The following ZNF138 variants were observed in gnomAD, a reference collection of about 807,000 sequenced individuals.
ZNF138 encodes zinc finger protein 138.
ZNF138 carries 33 observed loss-of-function variants against 33.0 expected under a neutral mutation model. That is an observed-to-expected ratio of 1.00 (90% CI 0.76 to 1.34). The LOEUF (loss-of-function observed/expected upper bound fraction) is 1.34. Ranked by LOEUF, ZNF138 falls within the 40% of genes most tolerant of loss-of-function variation. ZNF138 has a pLI of 0.00. For synonymous variants in ZNF138, 139 were observed against 120.4 expected, an observed-to-expected ratio of 1.15 and a Z score of -1.01; for missense variants, 360 against 370.8, an observed-to-expected ratio of 0.97 and a Z score of 0.24.
chr7:64,855,574 C>T, the ZNF138 span, among the ~76,000 whole-genome samples: 4 of 8,564 alleles, frequency 4.7e-4, 1 homozygote, highest in African/African-American at 4.9e-4. Flanking sequence ...CATGCGGAGC[C>T]GAAGCTGGAC....
chr7:64,829,394 A>AAC (rs1301464028), intron 3 of ZNF138, among the ~76,000 whole-genome samples: 1 of 150,680 alleles, frequency 6.6e-6, no homozygotes, highest in East Asian at 2.0e-4. Flanking sequence ...CACAAACTCA[A>AAC]ACACACACAC....
chr7:64,832,523 CT>C lies in ZNF138; in HGVS notation c.*324del. The stretch of plus-strand genomic sequence containing the variant: ...ACAAATGTGGAGAATGCGGAAAAGC[CT>C]TTAACTGGTCCTCAACTCTTATTAC... On this transcript the variant is annotated 3_prime_UTR_variant, in exon 4 of 4. Transcript: ENST00000307355. 1 of 782,202 alleles carries C rather than the reference CT, an allele frequency of 1.3e-6. No homozygotes were observed. The highest frequency in any genetic ancestry group is 1.9e-6 in the Non-Finnish European group (1 of 525,498). 48.5% of individuals were successfully genotyped at this position (782,202 alleles called of 1,614,324 possible).
At chr7:64,837,663 C>T (rs1359587694), downstream of ZNF138, among the ~76,000 whole-genome samples, 1 of 152,104 alleles carries the variant, frequency 6.6e-6, no homozygotes, top group Non-Finnish European at 1.5e-5. Context: ...TTCCACTTTT[C>T]CAGAAGACTG....
intron 3 of ZNF138, among the ~76,000 whole-genome samples, chr7:64,826,996 T>C (rs1361148929): frequency 6.6e-6 from 1 of 152,160 alleles, no homozygotes; most frequent in Non-Finnish European, 1.5e-5. Flanking sequence ...TTATGCACCA[T>C]CATTATTATA....
At chr7:64,838,964 G>T in the ZNF138 span, among the ~76,000 whole-genome samples, 1 of 152,100 alleles carries the variant, frequency 6.6e-6, no homozygotes, top group African/African-American at 2.4e-5. Context: ...AGACTAAGAT[G>T]GGGGCCGTGG....
intron 1 of ZNF138, chr7:64,814,272 G>T (rs552405961): frequency 1.6e-4 from 58 of 360,456 alleles, no homozygotes; most frequent in Middle Eastern, 1.1e-3. Context: ...TTAACTCAAC[G>T]TGCCTTTTCC....
At chr7:64,836,932 G>C (rs1317417349), downstream of ZNF138, 1 of 152,246 alleles carries the variant, frequency 6.6e-6, no homozygotes, top group Non-Finnish European at 1.5e-5. Context: ...GAGGGAGTCT[G>C]AGAGGGGGCT....
intron 1 of ZNF138, among the ~76,000 whole-genome samples, chr7:64,808,715 T>A (rs62456817): frequency 0.048 from 6,902 of 144,668 alleles, 235 homozygotes; most frequent in East Asian, 0.14. Context: ...AGGTCTCTGG[T>A]TTTCCTAGGC....
Position 64,799,878 on chromosome 7 carries a change from T to C in ZNF138, c.3+5307T>C, listed in dbSNP as rs564526834. Among the ~76,000 whole-genome samples the C allele has an allele frequency of 2.0e-5, 3 of 152,080 alleles. No individual in the cohort carries two copies. The East Asian group carries it at 5.8e-4, about 30-fold the overall frequency. On this transcript the variant is annotated intron_variant, in intron 1 of 3. Coordinates refer to ENST00000307355, the MANE Select transcript of ZNF138 (RefSeq NM_001271639.2). ...CTGGTCTTGAACTCCTGACCTCAGG[T>C]GTTAGGCGATCCACCCACCTCGGCC...
At chr7:64,834,413 C>T (rs188682901), downstream of ZNF138, among the ~76,000 whole-genome samples, 2 of 151,972 alleles carry the variant, frequency 1.3e-5, no homozygotes, top group Non-Finnish European at 2.9e-5. Flanking sequence ...ATAAAATAAC[C>T]CAAAACTAAA....
chr7:64,832,428 T>C lies in ZNF138; in HGVS notation c.*226T>C, dbSNP rs984658239. 2.7e-6 allele frequency: 4 copies of C among 1,479,324 alleles called. No individual in the cohort carries two copies. The African/African-American group carries it at 4.2e-5, about 16-fold the overall frequency. 91.6% of individuals were successfully genotyped at this position (1,479,324 alleles called of 1,614,324 possible). A position where few individuals can be genotyped will look rare whatever the true frequency, so the allele number is the denominator to read the frequency against. On this transcript the variant is annotated 3_prime_UTR_variant, in exon 4 of 4. Coordinates refer to ENST00000307355, the MANE Select transcript of ZNF138 (RefSeq NM_001271639.2). ...AGAAAAACCCTACAAATGTAAAGAATGTGGAAAAGCTTTTCACCGATACTC... is the reference window on the plus strand; with the variant it reads ...AGAAAAACCCTACAAATGTAAAGAACGTGGAAAAGCTTTTCACCGATACTC...
intron 3 of ZNF138, chr7:64,831,185 A>G: frequency 7.1e-7 from 1 of 1,416,398 alleles, no homozygotes; most frequent in East Asian, 2.3e-5. Context: ...TGTTGGGTAA[A>G]TGTAACAGAC....
At chr7:64,844,912 C>T in the ZNF138 span, among the ~76,000 whole-genome samples, 23 of 152,168 alleles carry the variant, frequency 1.5e-4, no homozygotes, top group Non-Finnish European at 2.9e-4. Context: ...GTCTCGAACC[C>T]CTGACCTCGT....
chr7:64,852,424 A>G, the ZNF138 span: 1 of 1,566,084 alleles, frequency 6.4e-7, no homozygotes, highest in Non-Finnish European at 8.7e-7. Context: ...TGGGATTCAC[A>G]TTTTGAGTGG....
the ZNF138 span, chr7:64,852,549 A>G: frequency 6.4e-7 from 1 of 1,570,708 alleles, no homozygotes; most frequent in Non-Finnish European, 8.8e-7. Context: ...TATTTGGGGG[A>G]CTTTATCTCT....
downstream of ZNF138, chr7:64,836,632 A>G (rs991312382): frequency 2.0e-5 from 3 of 152,304 alleles, no homozygotes; most frequent in African/African-American, 4.8e-5. Flanking sequence ...GACATAGAAC[A>G]TTGGGTCAGA....
chr7:64,831,080 T>C (rs1280535866), intron 3 of ZNF138: 2 of 1,549,404 alleles, frequency 1.3e-6, no homozygotes, highest in Non-Finnish European at 1.7e-6. Flanking sequence ...TAAAGATGTA[T>C]GTGTTATTAT....
At chr7:64,798,563 G>T (rs550018523) in intron 1 of ZNF138, among the ~76,000 whole-genome samples, 5 of 152,236 alleles carry the variant, frequency 3.3e-5, no homozygotes, top group Non-Finnish European at 7.4e-5. Context: ...AGGCCAAGGC[G>T]GGTGGATCAC....
intron 3 of ZNF138, among the ~76,000 whole-genome samples, chr7:64,828,823 C>T (rs565625327): frequency 5.3e-5 from 8 of 151,516 alleles, no homozygotes; most frequent in African/African-American, 1.5e-4. Context: ...TATTGTCTCT[C>T]GACATTTTAT....
Sources: gnomAD v4.1 joint callset for allele counts (sites outside exome capture counted in the v4.1 genomes callset) on GRCh38, gnomAD v4.1.1 for gene constraint, MANE v1.5 for transcripts, NCBI Gene and HGNC (gene_info 2026-07-23, HGNC 2026-07-21) for gene names.